Variants in PRPF6 observed in about 807,000 individuals in gnomAD.
PRPF6 encodes the protein pre-mRNA-processing factor 6.
In PRPF6, 42 loss-of-function variants were observed where a neutral mutation model predicts 118.3. That is an observed-to-expected ratio of 0.35 (90% CI 0.28 to 0.46). The LOEUF is 0.46. Among genes scored for constraint, PRPF6 ranks in the 20% least tolerant of loss-of-function variants. The pLI is 1.00. For synonymous variants in PRPF6, 481 were observed against 485.1 expected (o/e 0.99, Z 0.11); for missense variants, 662 against 1,255.7 (o/e 0.53, Z 7.15).
At chr20:64,021,292 G>A (rs1009393243) in intron 12 of PRPF6, among the ~76,000 whole-genome samples, 5 of 78,936 alleles carry the variant, frequency 6.3e-5, no homozygotes, top group South Asian at 5.2e-4. Context: ...CCCCGTGCGT[G>A]TGTGTGTGTG....
chr20:63,981,723 G>C (rs996007547), intron 1 of PRPF6, among the ~76,000 whole-genome samples: 4 of 143,080 alleles, frequency 2.8e-5, no homozygotes, highest in Non-Finnish European at 6.0e-5. Context: ...ACCACCGTGC[G>C]TTGCTGGATA....
In PRPF6 at chr20:64,029,599, T is replaced by TG. The variant is rs2059306006; in HGVS notation, c.2546+111dup. 9.8e-7 allele frequency: 1 copy of TG among 1,016,672 alleles called. No homozygotes were observed. The highest frequency in any genetic ancestry group is 2.0e-5 in the Admixed American group (1 of 51,012). The allele number at this position is 1,016,672 out of a possible 1,614,324, so 63.0% of individuals were successfully genotyped here. A position where few individuals can be genotyped will look rare whatever the true frequency, so the allele number is the denominator to read the frequency against. On this transcript the variant is annotated intron_variant, in intron 19 of 20. Coordinates refer to ENST00000266079, the MANE Select transcript of PRPF6 (RefSeq NM_012469.4). This position sits in a 1 kb window ranked among gnomAD's most constrained non-coding sequence, Gnocchi z 4.8. ...ATTGTAAAGATGCCCGGCAGCAGGG[T>TG]GGGCTTCCCCGATCCTCGGCTGCCG...
At chr20:64,001,780 A>G (rs2059167409) in intron 9 of PRPF6, among the ~76,000 whole-genome samples, 2 of 152,182 alleles carry the variant, frequency 1.3e-5, no homozygotes, top group Admixed American at 1.3e-4. Flanking sequence ...CGGTGTGCCT[A>G]CCAGGCAACC....
intron 2 of PRPF6, among the ~76,000 whole-genome samples, chr20:63,984,473 C>CA (rs2059084872): frequency 6.6e-6 from 1 of 151,788 alleles, no homozygotes; most frequent in South Asian, 2.1e-4. Flanking sequence ...CAGGAATTTG[C>CA]AAAAATAGTG....
chr20:64,032,878 C>G lies in PRPF6; in HGVS notation c.2711C>G (p.Ala904Gly). Reference sequence around the variant, plus strand: ...GAGGTGAGGAAGCGCTGTGAGAGTGCAGAGCCTCGGCATGGGGAGCTGTGG... The same window carrying G: ...GAGGTGAGGAAGCGCTGTGAGAGTGGAGAGCCTCGGCATGGGGAGCTGTGG... ...QEEVRKRCES[A>G]EPRHGELWCA... The change falls in exon 21 of 21, where the codon GCA becomes GGA. Residue 904 changes from alanine to glycine, a missense_variant. By Grantham distance (60) the Ala-to-Gly change is moderately conservative. Coordinates refer to ENST00000266079, the MANE Select transcript of PRPF6 (RefSeq NM_012469.4). 1 of 1,612,658 alleles carries G rather than the reference C, an allele frequency of 6.2e-7. No individual in the cohort carries two copies. Among genetic ancestry groups the G allele is most frequent in the South Asian group, 1.1e-5 (1 of 91,034 alleles).
intron 3 of PRPF6, among the ~76,000 whole-genome samples, chr20:63,991,807 T>C (rs369851237): frequency 1.3e-5 from 2 of 150,454 alleles, no homozygotes; most frequent in Admixed American, 1.3e-4. Context: ...AAAAAAGTAG[T>C]GTACTTATTA....
Position 64,027,881 on chromosome 20 carries a change from A to G in PRPF6, c.2339+145A>G, listed in dbSNP as rs2059298141. On this transcript the variant is annotated intron_variant, in intron 17 of 20. Transcript: ENST00000266079. This position sits in a 1 kb window ranked among gnomAD's most constrained non-coding sequence, Gnocchi z 6.5. Reference sequence around the variant, plus strand: ...GGGCGGTAGGTGCTGGCCATGAAAAATCACGGTCCCTGCCTTAGGAGAGTT... The same window carrying G: ...GGGCGGTAGGTGCTGGCCATGAAAAGTCACGGTCCCTGCCTTAGGAGAGTT... 3.3e-6 allele frequency: 4 copies of G among 1,197,878 alleles called. No homozygotes were observed. In the Admixed American group the frequency reaches 7.0e-5, roughly 21 times the overall value. The allele number at this position is 1,197,878 out of a possible 1,614,324, so 74.2% of individuals were successfully genotyped here.
rs889828866 is a variant in PRPF6, at chr20:64,027,684, C to T, written c.2287C>T (p.Arg763Trp). 3.7e-6 allele frequency: 6 copies of T among 1,613,976 alleles called. No individual in the cohort carries two copies. The African/African-American group carries it at 5.3e-5, about 14-fold the overall frequency. ...GAAGATTGGGCAGCTTACTCGAGCA[C>T]GGGCCATTTTGGAAAAGTCTCGTCT... is the stretch of plus-strand genomic sequence containing the variant. The part of the protein sequence containing the change: ...EEKIGQLTRA[R>W]AILEKSRLKN... Residue 763 changes from arginine to tryptophan, a missense_variant, in exon 17 of 21, where the codon CGG becomes TGG. Coordinates refer to ENST00000266079, the MANE Select transcript of PRPF6 (RefSeq NM_012469.4). This position sits in a 1 kb window ranked among gnomAD's most constrained non-coding sequence, Gnocchi z 6.5.
intron 6 of PRPF6, among the ~76,000 whole-genome samples, chr20:63,996,563 C>T (rs891709055): frequency 2.6e-5 from 4 of 152,302 alleles, no homozygotes; most frequent in South Asian, 2.1e-4. Context: ...GATCTGTCCG[C>T]GCTGGCCTCA....
intron 13 of PRPF6, 56 bp downstream of exon 13, chr20:64,022,934 G>A (rs547459154): frequency 1.2e-6 from 2 of 1,612,524 alleles, no homozygotes; most frequent in Admixed American, 1.7e-5. Flanking sequence ...AGCTCCATTT[G>A]TGTAGCCCTG....
intron 3 of PRPF6, among the ~76,000 whole-genome samples, chr20:63,992,999 C>T (rs533623169): frequency 9.2e-5 from 14 of 152,100 alleles, no homozygotes; most frequent in African/African-American, 3.4e-4. Flanking sequence ...GGGTAGATCA[C>T]AAGGTCAGGA....
intron 6 of PRPF6, among the ~76,000 whole-genome samples, chr20:63,997,065 A>G (rs1239851250): frequency 6.6e-6 from 1 of 152,032 alleles, no homozygotes; most frequent in Non-Finnish European, 1.5e-5. Flanking sequence ...CCTCATCACC[A>G]TTCATCTCCA....
Position 63,981,172 on chromosome 20 carries a change from C to A in PRPF6, c.-74C>A. On this transcript the variant is annotated 5_prime_UTR_variant, in exon 1 of 21. Transcript: ENST00000266079. ...CTACGGAGTGCATCGGACGTCGAAG[C>A]CTAGAGTCTCTGCGTCTTTCCCTCT... is the stretch of plus-strand genomic sequence containing the variant. The A allele has an allele frequency of 6.8e-7, 1 of 1,479,108 alleles. No individual in the cohort carries two copies. The highest frequency in any genetic ancestry group is 9.3e-7 in the Non-Finnish European group (1 of 1,080,382). The allele number at this position is 1,479,108 out of a possible 1,614,324, so 91.6% of individuals were successfully genotyped here.
intron 9 of PRPF6, among the ~76,000 whole-genome samples, chr20:64,008,056 C>T (rs1390414128): frequency 6.6e-6 from 1 of 152,198 alleles, no homozygotes; most frequent in East Asian, 1.9e-4. Flanking sequence ...GGATTACAGG[C>T]GTGAGCTACG....
At chr20:63,986,123 C>G (rs1259383132) in intron 3 of PRPF6, among the ~76,000 whole-genome samples, 1 of 151,976 alleles carries the variant, frequency 6.6e-6, no homozygotes, top group Non-Finnish European at 1.5e-5. Context: ...GATGGGTCAT[C>G]TGAGGTCAGG....
At chr20:64,024,462 C>G in intron 13 of PRPF6, 93 bp from the exon 14 acceptor site, 1 of 1,517,580 alleles carries the variant, frequency 6.6e-7, no homozygotes, top group Non-Finnish European at 9.1e-7. Context: ...GGAGCAGTAA[C>G]TGTCTTTCTG....
At chr20:64,006,816 C>G (rs1329341870) in intron 9 of PRPF6, among the ~76,000 whole-genome samples, 1 of 152,222 alleles carries the variant, frequency 6.6e-6, no homozygotes, top group Non-Finnish European at 1.5e-5. Flanking sequence ...TCCTACTGGG[C>G]TGCCAGGCCA....
At chr20:64,007,826 A>C (rs1391744637) in intron 9 of PRPF6, among the ~76,000 whole-genome samples, 3 of 151,898 alleles carry the variant, frequency 2.0e-5, no homozygotes, top group Non-Finnish European at 2.9e-5. Flanking sequence ...CACCCAGGCT[A>C]GAGTGCAGTG....
chr20:64,013,497 A>G (rs923382221), intron 11 of PRPF6, among the ~76,000 whole-genome samples: 1 of 151,410 alleles, frequency 6.6e-6, no homozygotes, highest in Admixed American at 6.6e-5. Context: ...CTCAGGCCGG[A>G]GTGCAGTGGT....
Sources: allele counts gnomAD v4.1 joint callset (sites outside exome capture counted in the v4.1 genomes callset), GRCh38; gene constraint gnomAD v4.1.1; non-coding constraint Gnocchi (gnomAD v3.1); transcripts MANE v1.5; gene names NCBI Gene and HGNC (gene_info 2026-07-23, HGNC 2026-07-21).